The following RAB8B variants were observed in gnomAD, a reference collection of about 807,000 sequenced individuals.
RAB8B encodes RAB8B, member RAS oncogene family.
In RAB8B, 11 loss-of-function variants were observed where a neutral mutation model predicts 32.0. The observed-to-expected ratio is 0.34, with a 90% confidence interval of 0.22 to 0.57. The LOEUF is 0.57. Among genes scored for constraint, RAB8B ranks in the 20% least tolerant of loss-of-function variants. The pLI is 0.86. For missense variants in RAB8B, 190 were observed against 258.5 expected (o/e 0.73, Z 1.82); for synonymous variants, 103 against 89.6 (o/e 1.15, Z -0.85).
intron 1 of RAB8B, among the ~76,000 whole-genome samples, chr15:63,193,506 T>G (rs1297704277): frequency 6.6e-6 from 1 of 152,176 alleles, no homozygotes; most frequent in Non-Finnish European, 1.5e-5. Flanking sequence ...AAAACCCTTA[T>G]GTAATCATAA....
At chr15:63,263,271 G>A (rs1020178835) in intron 7 of RAB8B, among the ~76,000 whole-genome samples, 1 of 152,100 alleles carries the variant, frequency 6.6e-6, no homozygotes, top group South Asian at 2.1e-4. Context: ...AGAAATAGAA[G>A]CTTCCTATTG....
intron 1 of RAB8B, among the ~76,000 whole-genome samples, chr15:63,235,642 T>C (rs1349952256): frequency 6.6e-6 from 1 of 150,462 alleles, no homozygotes; most frequent in African/African-American, 2.4e-5. Flanking sequence ...TTTTATACTG[T>C]AATTATACAT....
intron 1 of RAB8B, among the ~76,000 whole-genome samples, chr15:63,231,990 C>A (rs1157750859): frequency 6.6e-6 from 1 of 152,196 alleles, no homozygotes; most frequent in African/African-American, 2.4e-5. Context: ...GTCATGAAGT[C>A]TTTTGGCCTG....
At chr15:63,226,967 C>T (rs2037894006) in intron 1 of RAB8B, among the ~76,000 whole-genome samples, 1 of 152,026 alleles carries the variant, frequency 6.6e-6, no homozygotes, top group African/African-American at 2.4e-5. Flanking sequence ...CTTGACATTG[C>T]CATGACATTT....
At position 63,266,927 on chromosome 15, in the gene RAB8B, A is replaced by G. The variant is rs2038253652; in HGVS notation, c.*3308A>G. 6.6e-6 allele frequency: 1 copy of G among 152,598 alleles called. No homozygotes were observed. Among genetic ancestry groups the G allele is most frequent in the African/African-American group, 2.4e-5 (1 of 41,448 alleles). The allele number at this position is 152,598 out of a possible 1,614,324, so 9.5% of individuals were successfully genotyped here. ...GATTCCTTTACAAATTTAGTTCTCAATCTTTAAAAACCACATTTCATTATG... is the reference window on the plus strand; with the variant it reads ...GATTCCTTTACAAATTTAGTTCTCAGTCTTTAAAAACCACATTTCATTATG... On this transcript the variant is annotated 3_prime_UTR_variant, in exon 8 of 8. Transcript: ENST00000321437.
chr15:63,205,625 T>G (rs371199629), intron 1 of RAB8B, among the ~76,000 whole-genome samples: 6 of 152,322 alleles, frequency 3.9e-5, no homozygotes, highest in East Asian at 1.9e-4. Context: ...TTCAGGGAAG[T>G]GACACATTTT....
intron 1 of RAB8B, among the ~76,000 whole-genome samples, chr15:63,211,424 A>G (rs1316476269): frequency 6.6e-6 from 1 of 152,208 alleles, no homozygotes; most frequent in African/African-American, 2.4e-5. Flanking sequence ...TGTGTTCACC[A>G]TCTCTCTCAT....
chr15:63,243,727 T>G (rs2038050088), intron 1 of RAB8B, among the ~76,000 whole-genome samples: 1 of 152,154 alleles, frequency 6.6e-6, no homozygotes. Flanking sequence ...AGGATTTTTT[T>G]TTTCAACATT....
chr15:63,265,066 CA>C lies in RAB8B; in HGVS notation c.*1448del, dbSNP rs2038234863. ...TGCTCTAGCCTTCAGTGTCATAACA[CA>C]GGGGGGATAAAACAGAGGGGATGAG... On this transcript the variant is annotated 3_prime_UTR_variant, in exon 8 of 8. Coordinates refer to ENST00000321437, the MANE Select transcript of RAB8B (RefSeq NM_016530.3). The surrounding 1 kb of genome is among the most constrained non-coding windows in gnomAD (Gnocchi z 4.9). 2 of 152,446 alleles carry C rather than the reference CA, an allele frequency of 1.3e-5. No individual in the cohort carries two copies. The highest frequency in any genetic ancestry group is 4.8e-5 in the African/African-American group (2 of 41,422). 9.4% of individuals were successfully genotyped at this position (152,446 alleles called of 1,614,324 possible).
At chr15:63,251,565 G>T (rs1356283521) in intron 3 of RAB8B, among the ~76,000 whole-genome samples, 2 of 152,172 alleles carry the variant, frequency 1.3e-5, no homozygotes, top group Non-Finnish European at 2.9e-5. Context: ...ATTTAGATTT[G>T]AGGATTGTCT....
chr15:63,240,162 G>A (rs1049453823), intron 1 of RAB8B, among the ~76,000 whole-genome samples: 4 of 152,138 alleles, frequency 2.6e-5, no homozygotes, highest in African/African-American at 7.2e-5. Flanking sequence ...TTGGCTCCAC[G>A]GCTTCTTAAA....
rs566893891 is a variant in RAB8B at position 63,248,279 on chromosome 15, C to T, written c.186-1366C>T. Among the ~76,000 whole-genome samples the T allele has an allele frequency of 2.0e-5, 3 of 152,204 alleles. No homozygotes were observed. Among genetic ancestry groups the T allele is most frequent in the East Asian group, 1.9e-4 (1 of 5,180 alleles). On this transcript the variant is annotated intron_variant, in intron 2 of 7. Transcript: ENST00000321437. The surrounding 1 kb of genome is among the most constrained non-coding windows in gnomAD (Gnocchi z 4.4). Reference sequence around the variant, plus strand: ...CTGTAATGCCAGCACGTTGGGAGGCCGAGGCGGGTAGATCACAAGGTCAGG... The same window carrying T: ...CTGTAATGCCAGCACGTTGGGAGGCTGAGGCGGGTAGATCACAAGGTCAGG...
chr15:63,224,365 T>C (rs1206020492), intron 1 of RAB8B, among the ~76,000 whole-genome samples: 1 of 152,214 alleles, frequency 6.6e-6, no homozygotes, highest in Non-Finnish European at 1.5e-5. Context: ...ATCCAAACTT[T>C]TTTAGTTCTT....
At chr15:63,200,904 A>G (rs1191942242) in intron 1 of RAB8B, among the ~76,000 whole-genome samples, 2 of 152,234 alleles carry the variant, frequency 1.3e-5, no homozygotes, top group African/African-American at 4.8e-5. Context: ...GTCTGGGCGT[A>G]GTCAACATTT....
chr15:63,223,946 G>C (rs1051484546), intron 1 of RAB8B: 1 of 338,480 alleles, frequency 3.0e-6, no homozygotes, highest in African/African-American at 2.1e-5. Flanking sequence ...TATTGGATTT[G>C]GAATCACTGT....
chr15:63,221,177 G>T (rs2037841379), intron 1 of RAB8B, among the ~76,000 whole-genome samples: 1 of 152,148 alleles, frequency 6.6e-6, no homozygotes, highest in Non-Finnish European at 1.5e-5. Context: ...ATACCACAGA[G>T]CATGAAAGAG....
intron 1 of RAB8B, among the ~76,000 whole-genome samples, chr15:63,190,221 A>G (rs12914688): frequency 0.14 from 21,920 of 151,960 alleles, 2,024 homozygotes; most frequent in East Asian, 0.47. Flanking sequence ...GACAGAGGAC[A>G]CAAGGGACAG....
chr15:63,259,802 G>A lies in RAB8B; in HGVS notation c.480+110G>A, dbSNP rs769802820. On this transcript the variant is annotated intron_variant, in intron 6 of 7. Transcript: ENST00000321437. This position sits in a 1 kb window ranked among gnomAD's most constrained non-coding sequence, Gnocchi z 4.4. Reference sequence around the variant, plus strand: ...TTTTCTGACCTAATGAATGCCTTTTGTTGACCCAACTCTACTTTGTACACT... The same window carrying A: ...TTTTCTGACCTAATGAATGCCTTTTATTGACCCAACTCTACTTTGTACACT... 14 of 937,554 alleles carry A rather than the reference G, an allele frequency of 1.5e-5. No homozygotes were observed. Among genetic ancestry groups the A allele is most frequent in the Middle Eastern group, 4.4e-4 (2 of 4,592 alleles). The allele number at this position is 937,554 out of a possible 1,614,324, so 58.1% of individuals were successfully genotyped here.
At chr15:63,192,666 G>GT (rs1407104861) in intron 1 of RAB8B, among the ~76,000 whole-genome samples, 1 of 152,188 alleles carries the variant, frequency 6.6e-6, no homozygotes, top group African/African-American at 2.4e-5. Flanking sequence ...AGTTTTAGTA[G>GT]TTTTAAAAAT....
Sources: allele counts gnomAD v4.1 joint callset (sites outside exome capture counted in the v4.1 genomes callset), GRCh38; gene constraint gnomAD v4.1.1; non-coding constraint Gnocchi (gnomAD v3.1); transcripts MANE v1.5; gene names NCBI Gene and HGNC (gene_info 2026-07-23, HGNC 2026-07-21).